Variants in ANLN observed in about 807,000 individuals in gnomAD.
ANLN encodes anillin.
Under a neutral mutation model 135.1 loss-of-function variants are expected in ANLN, and 59 were observed. The ratio of observed to expected loss-of-function variants is 0.44; its 90% CI spans 0.35 to 0.54. The LOEUF is 0.54. Among genes scored for constraint, ANLN ranks in the 20% least tolerant of loss-of-function variants. ANLN has a pLI of 0.00. For missense variants in ANLN, 1,182 were observed against 1,340.0 expected (o/e 0.88, Z 1.84); for synonymous variants, 406 against 456.4 (o/e 0.89, Z 1.41).
At chr7:36,397,875 C>T (rs1332538701) in intron 2 of ANLN, among the ~76,000 whole-genome samples, 1 of 152,098 alleles carries the variant, frequency 6.6e-6, no homozygotes, top group East Asian at 1.9e-4. Context: ...TGCACCACTG[C>T]ATTCCATCCT....
intron 4 of ANLN, 147 bp downstream of exon 4, chr7:36,406,713 G>C: frequency 2.4e-6 from 2 of 838,526 alleles, no homozygotes; most frequent in South Asian, 9.0e-5. Flanking sequence ...GTAAGATATC[G>C]GTTTCTTAGA....
At position 36,420,757 on chromosome 7, in the gene ANLN, G is replaced by A; in HGVS notation, c.2163+13G>A. On this transcript the variant is annotated intron_variant, in intron 12 of 23. Coordinates refer to ENST00000265748, the MANE Select transcript of ANLN (RefSeq NM_018685.5). ...ACAGAAAATGCAGGTATGTACTTTT[G>A]TGGAAAGGGGCTTTGGAATGTTTCT... 2.5e-6 allele frequency: 4 copies of A among 1,613,290 alleles called. No homozygotes were observed. The highest frequency in any genetic ancestry group is 1.3e-5 in the African/African-American group (1 of 74,996).
intron 13 of ANLN, among the ~76,000 whole-genome samples, chr7:36,422,364 C>A (rs1382260930): frequency 5.9e-5 from 9 of 151,494 alleles, no homozygotes; most frequent in Non-Finnish European, 8.8e-5. Flanking sequence ...TTGCTGTGTG[C>A]GTATATGTGG....
At chr7:36,452,388 T>G in intron 23 of ANLN, 89 bp from the exon 24 acceptor site, 1 of 1,539,712 alleles carries the variant, frequency 6.5e-7, no homozygotes, top group Non-Finnish European at 8.9e-7. Context: ...TACTGGTTTA[T>G]TTAGTCATTT....
intron 5 of ANLN, among the ~76,000 whole-genome samples, chr7:36,408,545 C>G (rs975906010): frequency 6.6e-6 from 1 of 152,088 alleles, no homozygotes; most frequent in Admixed American, 6.5e-5. Context: ...ACGAGGATAT[C>G]CATCACCTTA....
intron 12 of ANLN, among the ~76,000 whole-genome samples, chr7:36,421,496 G>A (rs1365326447): frequency 6.6e-6 from 1 of 152,020 alleles, no homozygotes; most frequent in African/African-American, 2.4e-5. Context: ...GGGATTACGG[G>A]TGTGAGCCAC....
intron 9 of ANLN, among the ~76,000 whole-genome samples, chr7:36,418,754 CTTTTTTT>C (rs71553066): frequency 1.4e-5 from 2 of 143,766 alleles, no homozygotes; most frequent in African/African-American, 5.1e-5. Context: ...TTTCTTTTTT[CTTTTTTT>C]TTTTTGTCTC....
chr7:36,390,327 T>C (rs1786383663), intron 1 of ANLN: 1 of 508,810 alleles, frequency 2.0e-6, no homozygotes, highest in Admixed American at 3.4e-5. Context: ...GTTTTTACCA[T>C]GTCCCTCTGC....
At chr7:36,413,749 A>G (rs1018020883) in intron 7 of ANLN, among the ~76,000 whole-genome samples, 2 of 152,164 alleles carry the variant, frequency 1.3e-5, no homozygotes, top group Non-Finnish European at 2.9e-5. Flanking sequence ...CCAGCACTTT[A>G]GGAGACTGAG....
chr7:36,448,719 A>G (rs1562826547), intron 22 of ANLN, among the ~76,000 whole-genome samples: 1 of 152,230 alleles, frequency 6.6e-6, no homozygotes, highest in African/African-American at 2.4e-5. Flanking sequence ...AAACAATACC[A>G]TGATTTATTT....
intron 3 of ANLN, among the ~76,000 whole-genome samples, chr7:36,399,742 TTAAA>T (rs1239790736): frequency 6.6e-6 from 1 of 152,140 alleles, no homozygotes; most frequent in Admixed American, 6.5e-5. Flanking sequence ...GATTCAAAAA[TTAAA>T]TAAACTTGAG....
rs779048938 is a variant in ANLN, at chr7:36,410,641, A to G, written c.1224A>G (p.Gln408=). The G allele has an allele frequency of 4.3e-6, 7 of 1,614,170 alleles. No homozygotes were observed. Among genetic ancestry groups the G allele is most frequent in the South Asian group, 1.1e-5 (1 of 91,080 alleles). Residue 408 remains glutamine (Q), a synonymous_variant, in exon 6 of 24, where the codon CAA becomes CAG. Coordinates refer to ENST00000265748, the MANE Select transcript of ANLN (RefSeq NM_018685.5). The stretch of plus-strand genomic sequence containing the variant: ...TTACTCCAAATACAAAGGCCATCCA[A>G]GAAAGATTATTCAAGCAAGACACAT... The part of the protein sequence containing the change: ...PIITPNTKAI[Q]ERLFKQDTSS...
intron 20 of ANLN, among the ~76,000 whole-genome samples, chr7:36,437,374 T>C (rs530125320): frequency 4.3e-4 from 66 of 152,378 alleles, no homozygotes; most frequent in African/African-American, 1.6e-3. Context: ...ATCTCCTTTT[T>C]CTATGCTAAA....
At position 36,407,779 on chromosome 7, in the gene ANLN, A is replaced by C. The variant is rs763968861; in HGVS notation, c.919A>C (p.Lys307Gln). 3.7e-6 allele frequency: 6 copies of C among 1,613,776 alleles called. No homozygotes were observed. The South Asian group carries it at 5.5e-5, about 15-fold the overall frequency. The change falls in exon 5 of 24, where the codon AAA (lysine) becomes CAA (glutamine). Residue 307 changes from lysine (K) to glutamine (Q), a missense_variant. By Grantham distance (53) the Lys-to-Gln change is moderately conservative. This residue lies in a region of ANLN where 1,022 missense variants were observed against 1,134.0 expected (regional missense o/e 0.90). Coordinates refer to ENST00000265748, the MANE Select transcript of ANLN (RefSeq NM_018685.5). ...ATCTACTACATCTATCACTGATGCT[A>C]AAAGTTGTGAGGGACAAAATCCTGA... ...VKSTTSITDA[K>Q]SCEGQNPELL...
chr7:36,448,946 C>T (rs145034905), intron 22 of ANLN: 1 of 152,274 alleles, frequency 6.6e-6, no homozygotes, highest in African/African-American at 2.4e-5. Flanking sequence ...ATACTTTCAC[C>T]AGTGATGCAT....
At chr7:36,439,620 G>T (rs531711230) in intron 21 of ANLN, among the ~76,000 whole-genome samples, 46 of 152,340 alleles carry the variant, frequency 3.0e-4, no homozygotes, top group African/African-American at 1.0e-3. Flanking sequence ...TGGGATAAAG[G>T]GAACTGCTGA....
Position 36,401,683 on chromosome 7 carries a change from A to G in ANLN, c.487+2290A>G, listed in dbSNP as rs1786960033. Reference sequence around the variant, plus strand: ...ATAGCATAGTCTATGGTGTCAATTAATACCTATTTATTTTAGCAGTGGTGA... The same window carrying G: ...ATAGCATAGTCTATGGTGTCAATTAGTACCTATTTATTTTAGCAGTGGTGA... On this transcript the variant is annotated intron_variant, in intron 3 of 23. Coordinates refer to ENST00000265748, the MANE Select transcript of ANLN (RefSeq NM_018685.5). Among the ~76,000 whole-genome samples the G allele has an allele frequency of 1.7e-5, 2 of 120,470 alleles. 1 individual carries two copies. Among genetic ancestry groups the G allele is most frequent in the Non-Finnish European group, 3.6e-5 (2 of 54,892 alleles). 79.0% of individuals were successfully genotyped at this position (120,470 alleles called of 152,430 possible).
chr7:36,422,055 ATTTAGAAATC>A, intron 13 of ANLN, 63 bp downstream of exon 13: 3 of 1,554,742 alleles, frequency 1.9e-6, no homozygotes, highest in Non-Finnish European at 2.6e-6. Flanking sequence ...TCATTTTGAT[ATTTAGAAATC>A]TTTAAGTTTA....
rs975340644 is a variant in ANLN at position 36,390,153 on chromosome 7, T to C, written c.18+109T>C. On this transcript the variant is annotated intron_variant, in intron 1 of 23. Coordinates refer to ENST00000265748, the MANE Select transcript of ANLN (RefSeq NM_018685.5). The stretch of plus-strand genomic sequence containing the variant: ...CCCCACCGGGCGGAGGGCGCGTGTG[T>C]GCGCGCGTGCGCAGTGTGTGCGGGC... 33 of 1,577,164 alleles carry C rather than the reference T, an allele frequency of 2.1e-5. No individual in the cohort carries two copies. In the South Asian group the frequency reaches 2.2e-4, roughly 11 times the overall value.
Sources: gnomAD v4.1 joint callset for allele counts (sites outside exome capture counted in the v4.1 genomes callset) on GRCh38, gnomAD v4.1.1 for gene constraint, gnomAD v4.1.1 regional missense constraint, MANE v1.5 for transcripts, NCBI Gene and HGNC (gene_info 2026-07-23, HGNC 2026-07-21) for gene names.